The following PLD5 variants were observed in gnomAD, a reference collection of about 807,000 sequenced individuals.
The protein encoded by PLD5 is phospholipase D family member 5.
Under a neutral mutation model 61.1 loss-of-function variants are expected in PLD5, and 36 were observed. The ratio of observed to expected loss-of-function variants is 0.59; its 90% CI spans 0.45 to 0.78. The LOEUF (loss-of-function observed/expected upper bound fraction) is 0.78. Ranked by LOEUF, PLD5 falls within the 30% of genes least tolerant of loss-of-function variation. PLD5 has a pLI of 0.00. For missense variants in PLD5, 515 were observed against 644.4 expected (o/e 0.80, Z 2.17); for synonymous variants, 243 against 242.8 (o/e 1.00, Z -0.01).
intron 1 of PLD5, among the ~76,000 whole-genome samples, chr1:242,486,452 A>G (rs1667964153): frequency 6.6e-6 from 1 of 152,128 alleles, no homozygotes; most frequent in Non-Finnish European, 1.5e-5. Context: ...CAAAAGACAC[A>G]TGAAAAAATG....
intron 1 of PLD5, among the ~76,000 whole-genome samples, chr1:242,364,314 T>A (rs1661224483): frequency 3.3e-5 from 5 of 152,212 alleles, no homozygotes; most frequent in African/African-American, 1.2e-4. Context: ...GAACTCACAT[T>A]TATGGAGCAC....
chr1:242,369,399 T>G (rs1443988025), intron 1 of PLD5, among the ~76,000 whole-genome samples: 1 of 152,166 alleles, frequency 6.6e-6, no homozygotes, highest in African/African-American at 2.4e-5. Context: ...TTTACAGAAG[T>G]GTTTACATAT....
At chr1:242,385,713 G>A (rs545096053) in intron 1 of PLD5, among the ~76,000 whole-genome samples, 1 of 152,292 alleles carries the variant, frequency 6.6e-6, no homozygotes, top group Admixed American at 6.5e-5. Flanking sequence ...CTTTTCAGGA[G>A]AAATTGTGCT....
At chr1:242,391,714 G>C (rs1662943867) in intron 1 of PLD5, among the ~76,000 whole-genome samples, 1 of 152,150 alleles carries the variant, frequency 6.6e-6, no homozygotes, top group South Asian at 2.1e-4. Flanking sequence ...AAAGCAAATA[G>C]TAATCAGATG....
At chr1:242,419,386 GTTT>G (rs58320205) in intron 1 of PLD5, among the ~76,000 whole-genome samples, 4 of 96,502 alleles carry the variant, frequency 4.1e-5, no homozygotes, top group African/African-American at 1.2e-4. Context: ...CCTGATTTTT[GTTT>G]TTTTTTTTTT....
intron 1 of PLD5, among the ~76,000 whole-genome samples, chr1:242,392,849 T>G (rs1169627215): frequency 6.6e-6 from 1 of 152,088 alleles, no homozygotes; most frequent in Non-Finnish European, 1.5e-5. Context: ...GCTTCCATTA[T>G]CTCCACTCGA....
chr1:242,279,636 C>T (rs1192148255), intron 3 of PLD5, among the ~76,000 whole-genome samples: 1 of 152,022 alleles, frequency 6.6e-6, no homozygotes, highest in African/African-American at 2.4e-5. Context: ...CGGGTTCAAG[C>T]GATTCCCCCG....
chr1:242,521,172 G>T (rs74868781), intron 1 of PLD5, among the ~76,000 whole-genome samples: 3 of 152,278 alleles, frequency 2.0e-5, no homozygotes, highest in East Asian at 3.9e-4. Context: ...AGTATGGAAT[G>T]ATTCTCTATA....
At chr1:242,261,568 C>T (rs12033351) in intron 4 of PLD5, among the ~76,000 whole-genome samples, 39,468 of 151,904 alleles carry the variant, frequency 0.26, 5,783 homozygotes, top group Non-Finnish European at 0.34. Flanking sequence ...AAAGATAAGC[C>T]TCAAATGGAT....
At chr1:242,428,699 G>T (rs1231486812) in intron 1 of PLD5, among the ~76,000 whole-genome samples, 1 of 150,686 alleles carries the variant, frequency 6.6e-6, no homozygotes, top group Non-Finnish European at 1.5e-5. Flanking sequence ...ATCTCATATT[G>T]TAATTCTATA....
intron 5 of PLD5, among the ~76,000 whole-genome samples, chr1:242,206,063 T>C (rs1053188225): frequency 6.6e-6 from 1 of 152,210 alleles, no homozygotes; most frequent in Admixed American, 6.5e-5. Context: ...ATAGCAGCTA[T>C]GATGAAATCA....
intron 2 of PLD5, among the ~76,000 whole-genome samples, chr1:242,335,233 A>G (rs1659433290): frequency 1.3e-5 from 2 of 152,040 alleles, no homozygotes; most frequent in Admixed American, 1.3e-4. Context: ...AGGGTAGATT[A>G]TTTAATAATG....
intron 1 of PLD5, among the ~76,000 whole-genome samples, chr1:242,366,776 A>G (rs916211625): frequency 6.6e-6 from 1 of 152,200 alleles, no homozygotes; most frequent in Non-Finnish European, 1.5e-5. Flanking sequence ...GCCTAGATCC[A>G]TAATGCCTGG....
Position 242,146,514 on chromosome 1 carries a change from T to C in PLD5, c.736-21849A>G, listed in dbSNP as rs192637553. Among the ~76,000 whole-genome samples the C allele has an allele frequency of 1.2e-4, 18 of 152,296 alleles. No individual in the cohort carries two copies. The East Asian group carries it at 3.3e-3, about 28-fold the overall frequency. On this transcript the variant is annotated intron_variant, in intron 5 of 9. Coordinates refer to ENST00000536534, the MANE Select transcript of PLD5 (RefSeq NM_001372062.1). ...ATTTTTATAAGAGAGATGGCTTCAATTTCCCCTTCTCAAATAATTTTAGGT... is the reference window on the plus strand; with the variant it reads ...ATTTTTATAAGAGAGATGGCTTCAACTTCCCCTTCTCAAATAATTTTAGGT...
intron 4 of PLD5, among the ~76,000 whole-genome samples, chr1:242,242,282 G>T (rs1245002768): frequency 6.6e-6 from 1 of 152,024 alleles, no homozygotes; most frequent in Non-Finnish European, 1.5e-5. Context: ...ACCTGCGCCT[G>T]CAATCCAGGG....
intron 5 of PLD5, among the ~76,000 whole-genome samples, chr1:242,205,514 C>T (rs1306196597): frequency 6.6e-6 from 1 of 152,142 alleles, no homozygotes; most frequent in Non-Finnish European, 1.5e-5. Flanking sequence ...ACAAAAATGA[C>T]CTTTCTAAAC....
chr1:242,466,892 C>CA (rs10716134), intron 1 of PLD5, among the ~76,000 whole-genome samples: 6,737 of 141,608 alleles, frequency 0.048, 191 homozygotes, highest in Middle Eastern at 0.084. Context: ...GACTCCATCT[C>CA]AAAAAAAAAA....
At chr1:242,143,184 C>T (rs575738465) in intron 5 of PLD5, among the ~76,000 whole-genome samples, 20 of 152,164 alleles carry the variant, frequency 1.3e-4, no homozygotes, top group South Asian at 4.2e-4. Context: ...CCTGCCACGA[C>T]GCCAGCTATG....
At chr1:242,277,484 C>T (rs1460140648) in intron 3 of PLD5, among the ~76,000 whole-genome samples, 19 of 83,512 alleles carry the variant, frequency 2.3e-4, no homozygotes, top group South Asian at 4.7e-4. Flanking sequence ...AAGAAAAAAA[C>T]GCACAGATAT....
Sources: gnomAD v4.1 joint callset for allele counts (sites outside exome capture counted in the v4.1 genomes callset) on GRCh38, gnomAD v4.1.1 for gene constraint, MANE v1.5 for transcripts, NCBI Gene and HGNC (gene_info 2026-07-23, HGNC 2026-07-21) for gene names.